Variants in FUBP3 observed in about 807,000 individuals in gnomAD.
FUBP3 encodes the protein far upstream element binding protein 3.
Under a neutral mutation model 85.6 loss-of-function variants are expected in FUBP3, and 28 were observed. The observed-to-expected ratio is 0.33, with a 90% CI of 0.24 to 0.45. The LOEUF (loss-of-function observed/expected upper bound fraction) is 0.45, where lower values mean the gene tolerates loss of function less well. FUBP3 is among the 20% of genes least tolerant of loss of function. The probability of loss-of-function intolerance (pLI) is 1.00; values close to 1 mark genes in which losing one functional copy is unlikely to be tolerated. For missense variants in FUBP3, 583 were observed against 755.1 expected, an observed-to-expected ratio of 0.77 and a Z score of 2.67; for synonymous variants, 271 against 271.4, an observed-to-expected ratio of 1.00 and a Z score of 0.01.
chr9:130,600,099 T>TCCTTCCTC (rs1831078439), intron 2 of FUBP3, among the ~76,000 whole-genome samples: 1 of 124,882 alleles, frequency 8.0e-6, no homozygotes, highest in African/African-American at 3.7e-5. Context: ...TTTCCTTCCT[T>TCCTTCCTC]CCTCCCTCCC....
Position 130,616,224 on chromosome 9 carries a change from G to A in FUBP3, c.405-131G>A. 1.3e-6 allele frequency: 1 copy of A among 772,248 alleles called. No homozygotes were observed. The highest frequency in any genetic ancestry group is 2.1e-6 in the Non-Finnish European group (1 of 473,322). The allele number at this position is 772,248 out of a possible 1,614,324, so 47.8% of individuals were successfully genotyped here. On this transcript the variant is annotated intron_variant, in intron 6 of 18. Coordinates refer to ENST00000319725, the MANE Select transcript of FUBP3 (RefSeq NM_003934.2). This position sits in a 1 kb window ranked among gnomAD's most constrained non-coding sequence, Gnocchi z 4.7. ...GCAGAGAGACCTCCGGGTTGTGGGG[G>A]CAGGAGCTGGAGCTGGATGGAGGGC...
intron 1 of FUBP3, among the ~76,000 whole-genome samples, chr9:130,585,533 C>T (rs972258186): frequency 3.9e-5 from 6 of 152,138 alleles, no homozygotes; most frequent in African/African-American, 1.2e-4. Flanking sequence ...AAAGATCTTC[C>T]GTGGAAAAGA....
intron 1 of FUBP3, among the ~76,000 whole-genome samples, chr9:130,591,089 T>A (rs950662100): frequency 1.3e-5 from 2 of 151,780 alleles, no homozygotes; most frequent in African/African-American, 4.8e-5. Context: ...CTGCCGCTTA[T>A]AAGATGGGTG....
chr9:130,630,598 A>C (rs749966283), intron 12 of FUBP3, 30 bp from the exon 13 acceptor site: 37 of 1,543,330 alleles, frequency 2.4e-5, no homozygotes, highest in Non-Finnish European at 3.1e-5. Flanking sequence ...GTCTCTGCTT[A>C]CTCTTCTGCC....
intron 1 of FUBP3, among the ~76,000 whole-genome samples, chr9:130,589,228 ATAAT>A (rs1830478548): frequency 6.6e-6 from 1 of 152,084 alleles, no homozygotes; most frequent in African/African-American, 2.4e-5. Flanking sequence ...TGTACTGGGA[ATAAT>A]TAATTGTCAT....
At chr9:130,627,197 C>T (rs551536294) in intron 12 of FUBP3, among the ~76,000 whole-genome samples, 1 of 151,728 alleles carries the variant, frequency 6.6e-6, no homozygotes, top group South Asian at 2.1e-4. Context: ...CCCAGAAAGG[C>T]TACTGAGACC....
intron 13 of FUBP3, chr9:130,631,130 A>T: frequency 8.6e-7 from 1 of 1,156,784 alleles, no homozygotes; most frequent in Non-Finnish European, 1.1e-6. Context: ...CGGCCAGCCC[A>T]GCAGGCAGCT....
chr9:130,614,748 C>T (rs1034614524), intron 6 of FUBP3, among the ~76,000 whole-genome samples: 6 of 152,154 alleles, frequency 3.9e-5, no homozygotes, highest in East Asian at 1.9e-4. Context: ...AGGCTGATCC[C>T]GTTACCCTTC....
chr9:130,593,263 T>G (rs570200859), intron 1 of FUBP3, among the ~76,000 whole-genome samples: 20 of 152,330 alleles, frequency 1.3e-4, no homozygotes, highest in African/African-American at 4.1e-4. Flanking sequence ...ATGATCAGTT[T>G]ATTGATTACC....
rs550349828 is a variant in FUBP3 at position 130,634,850 on chromosome 9, C to T, written c.1582+112C>T. 1.4e-3 allele frequency: 1,148 copies of T among 805,962 alleles called. 3 individuals carry two copies. The highest frequency in any genetic ancestry group is 1.9e-3 in the Non-Finnish European group (937 of 488,614). 49.9% of individuals were successfully genotyped at this position (805,962 alleles called of 1,614,324 possible). Reference sequence around the variant, plus strand: ...TTTCCCTAATGCCTTCCCTGTGTGGCTTGATCTCATTATTTGCCTTCGTCC... The same window carrying T: ...TTTCCCTAATGCCTTCCCTGTGTGGTTTGATCTCATTATTTGCCTTCGTCC... On this transcript the variant is annotated intron_variant, in intron 17 of 18. Coordinates refer to ENST00000319725, the MANE Select transcript of FUBP3 (RefSeq NM_003934.2).
chr9:130,596,532 C>T (rs1417399542), intron 2 of FUBP3: 1 of 166,078 alleles, frequency 6.0e-6, no homozygotes. Context: ...TTAATCCCTC[C>T]TTAGCGATGG....
chr9:130,609,545 T>C (rs1483023924), intron 2 of FUBP3, among the ~76,000 whole-genome samples: 1 of 152,220 alleles, frequency 6.6e-6, no homozygotes, highest in Non-Finnish European at 1.5e-5. Context: ...GGAGCAGTCC[T>C]TAACAATGCA....
intron 9 of FUBP3, 61 bp downstream of exon 9, chr9:130,620,519 T>G (rs1829703602): frequency 1.3e-6 from 1 of 790,608 alleles, no homozygotes; most frequent in Non-Finnish European, 2.1e-6. Context: ...TAGGTCACAC[T>G]TTTGTTAGCT....
At chr9:130,597,007 C>T (rs772366129) in intron 2 of FUBP3, among the ~76,000 whole-genome samples, 10 of 152,052 alleles carry the variant, frequency 6.6e-5, no homozygotes, top group South Asian at 2.1e-4. Context: ...AGGTCTTATT[C>T]GTACCCATTA....
At chr9:130,625,141 G>A (rs867856238) in intron 11 of FUBP3, among the ~76,000 whole-genome samples, 1 of 152,232 alleles carries the variant, frequency 6.6e-6, no homozygotes, top group African/African-American at 2.4e-5. Flanking sequence ...CCCAGGAAGC[G>A]GAGGTTGCAG....
At chr9:130,632,509 G>C (rs1192301059) in intron 16 of FUBP3, among the ~76,000 whole-genome samples, 1 of 152,228 alleles carries the variant, frequency 6.6e-6, no homozygotes, top group Non-Finnish European at 1.5e-5. Flanking sequence ...GGCGGGCTGG[G>C]GACTCTGGGC....
chr9:130,606,597 G>A (rs983562542), intron 2 of FUBP3, among the ~76,000 whole-genome samples: 1 of 152,026 alleles, frequency 6.6e-6, no homozygotes, highest in Non-Finnish European at 1.5e-5. Flanking sequence ...AAAGTGGGCG[G>A]ATCACCTGAG....
intron 9 of FUBP3, among the ~76,000 whole-genome samples, chr9:130,621,546 C>T (rs1292016878): frequency 1.3e-5 from 2 of 152,168 alleles, no homozygotes; most frequent in Non-Finnish European, 2.9e-5. Context: ...CATCTTTTAT[C>T]TATAAGGCTT....
intron 2 of FUBP3, among the ~76,000 whole-genome samples, chr9:130,598,636 C>T (rs1830982689): frequency 1.3e-5 from 2 of 152,220 alleles, no homozygotes; most frequent in South Asian, 4.1e-4. Flanking sequence ...TCACTAACAC[C>T]AGTCAAATAT....
Sources: allele counts gnomAD v4.1 joint callset (sites outside exome capture counted in the v4.1 genomes callset), GRCh38; gene constraint gnomAD v4.1.1; non-coding constraint Gnocchi (gnomAD v3.1); transcripts MANE v1.5; gene names NCBI Gene and HGNC (gene_info 2026-07-23, HGNC 2026-07-21).